GIGYF2: variants seen among roughly 807,000 people sequenced by gnomAD.
The protein encoded by GIGYF2 is GRB10-interacting GYF protein 2.
A neutral mutation model predicts 208.1 loss-of-function variants in GIGYF2; 25 were observed. That is an observed-to-expected ratio of 0.12 (90% CI 0.09 to 0.17). GIGYF2 has a LOEUF of 0.17. GIGYF2 is among the 10% of genes least tolerant of loss of function. The probability of loss-of-function intolerance (pLI) is 1.00; values close to 1 mark genes in which losing one functional copy is unlikely to be tolerated. For missense variants in GIGYF2, 1,302 were observed against 1,579.4 expected, an observed-to-expected ratio of 0.82 and a Z score of 2.98; for synonymous variants, 534 against 543.8, an observed-to-expected ratio of 0.98 and a Z score of 0.25.
In GIGYF2 at chr2:232,775,941, T is replaced by A. The variant is rs375324487; in HGVS notation, c.533-11209T>A. Among the ~76,000 whole-genome samples, 3 of 152,292 alleles carry A rather than the reference T, an allele frequency of 2.0e-5. No homozygotes were observed. In the East Asian group the frequency reaches 5.8e-4, roughly 29 times the overall value. On this transcript the variant is annotated intron_variant, in intron 8 of 28. Transcript: ENST00000373563. ...AACCCTGTTATATAAGCTCAGAGAT[T>A]CTATTTTAATTTCTCAGTTGCAGAA...
At chr2:232,701,036 T>C (rs995614011) in intron 1 of GIGYF2, among the ~76,000 whole-genome samples, 3 of 152,184 alleles carry the variant, frequency 2.0e-5, no homozygotes, top group Non-Finnish European at 2.9e-5. Context: ...ATGAGAAATA[T>C]ACTAAATTAA....
chr2:232,858,680 C>T lies in GIGYF2; in HGVS notation c.*1820C>T, dbSNP rs999645632. The T allele has an allele frequency of 5.0e-6, 2 of 397,182 alleles. No individual in the cohort carries two copies. Among genetic ancestry groups the T allele is most frequent in the South Asian group, 1.9e-5 (1 of 53,638 alleles). 24.6% of individuals were successfully genotyped at this position (397,182 alleles called of 1,614,324 possible). On this transcript the variant is annotated 3_prime_UTR_variant, in exon 29 of 29. Coordinates refer to ENST00000373563, the MANE Select transcript of GIGYF2 (RefSeq NM_001103146.3). Reference sequence around the variant, plus strand: ...TATGGAGGCTGAGTTCTGCACTAAACTGTTCCTCTTGGTACCATGGAAAAG... The same window carrying T: ...TATGGAGGCTGAGTTCTGCACTAAATTGTTCCTCTTGGTACCATGGAAAAG...
intron 2 of GIGYF2, among the ~76,000 whole-genome samples, chr2:232,725,823 T>G (rs1336691844): frequency 5.9e-5 from 9 of 152,236 alleles, no homozygotes; most frequent in Admixed American, 5.9e-4. Flanking sequence ...CAGATAATAT[T>G]AGCAGTATCC....
intron 8 of GIGYF2, among the ~76,000 whole-genome samples, chr2:232,779,445 T>TAAC (rs1699636746): frequency 1.3e-5 from 2 of 152,212 alleles, no homozygotes; most frequent in South Asian, 4.1e-4. Flanking sequence ...AAATCTTCAG[T>TAAC]TGGAGTGCGA....
intron 8 of GIGYF2, chr2:232,765,797 A>G (rs975001255): frequency 3.5e-5 from 13 of 368,172 alleles, no homozygotes; most frequent in Admixed American, 2.1e-4. Flanking sequence ...GGTACTTGGT[A>G]GTATGGGCTT....
chr2:232,741,228 G>A (rs1241150178), intron 3 of GIGYF2, among the ~76,000 whole-genome samples: 2 of 152,066 alleles, frequency 1.3e-5, no homozygotes, highest in African/African-American at 2.4e-5. Flanking sequence ...GTTTGCTCAA[G>A]CTAGCAGTCT....
intron 2 of GIGYF2, among the ~76,000 whole-genome samples, chr2:232,732,775 C>G (rs773184642): frequency 1.3e-5 from 2 of 151,752 alleles, no homozygotes; most frequent in Non-Finnish European, 1.5e-5. Flanking sequence ...ACTACAGGCT[C>G]GCACCATCAT....
Position 232,836,314 on chromosome 2 carries a change from A to C in GIGYF2, c.2766+3221A>C, listed in dbSNP as rs1267104054. Among the ~76,000 whole-genome samples, 151 of 24,018 alleles carry C rather than the reference A, an allele frequency of 6.3e-3. 40 individuals carry two copies. The highest frequency in any genetic ancestry group is 0.02 in the African/African-American group (142 of 7,022). 15.8% of individuals were successfully genotyped at this position (24,018 alleles called of 152,430 possible). ...TATATATATATATATATATATATAT[A>C]TATATATATATATATACATATATAT... On this transcript the variant is annotated intron_variant, in intron 22 of 28. Coordinates refer to ENST00000373563, the MANE Select transcript of GIGYF2 (RefSeq NM_001103146.3).
chr2:232,719,960 C>T (rs1696863032), intron 2 of GIGYF2, among the ~76,000 whole-genome samples: 1 of 152,064 alleles, frequency 6.6e-6, no homozygotes, highest in East Asian at 1.9e-4. Context: ...GCACAACGTG[C>T]AGTTTTGTTA....
chr2:232,715,772 G>A (rs1282596426), intron 2 of GIGYF2, among the ~76,000 whole-genome samples: 1 of 151,404 alleles, frequency 6.6e-6, no homozygotes, highest in Admixed American at 6.6e-5. Context: ...TGAGGTGGAT[G>A]CCGAAGGAAA....
chr2:232,787,185 G>T lies in GIGYF2; in HGVS notation c.568G>T (p.Val190Leu). The T allele has an allele frequency of 1.2e-6, 2 of 1,614,074 alleles. No homozygotes were observed. Among genetic ancestry groups the T allele is most frequent in the Non-Finnish European group, 1.7e-6 (2 of 1,179,962 alleles). Residue 190 changes from valine to leucine, a missense_variant, in exon 9 of 29, where the codon GTA (valine) becomes TTA (leucine). Physicochemically the swap from Val to Leu is conservative, Grantham distance 32. Coordinates refer to ENST00000373563, the MANE Select transcript of GIGYF2 (RefSeq NM_001103146.3). Reference protein sequence around the residue: ...PNFEEGGPTSVGRKHEFIRSE... With the variant: ...PNFEEGGPTSLGRKHEFIRSE... ...TTTTGAGGAAGGTGGACCAACATCA[G>T]TAGGGAGAAAGCATGAATTTATACG...
At chr2:232,767,832 AAATGAGAGATT>A in intron 8 of GIGYF2, 1 of 268,806 alleles carries the variant, frequency 3.7e-6, no homozygotes, top group South Asian at 4.3e-5. Context: ...TTGCAGATGA[AAATGAGAGATT>A]AATGGTTGAT....
rs1383796091 is a variant in GIGYF2, at chr2:232,856,955, ACT to A, written c.*98_*99del. On this transcript the variant is annotated 3_prime_UTR_variant, in exon 29 of 29. Coordinates refer to ENST00000373563, the MANE Select transcript of GIGYF2 (RefSeq NM_001103146.3). ...ACTTACTCACCATTTACTCTTTATC[ACT>A]CTGCAACAAATCACAGAACCGATCA... is the stretch of plus-strand genomic sequence containing the variant. 5.8e-6 allele frequency: 5 copies of A among 855,228 alleles called. No homozygotes were observed. Among genetic ancestry groups the A allele is most frequent in the Middle Eastern group, 2.6e-4 (1 of 3,812 alleles). 53.0% of individuals were successfully genotyped at this position (855,228 alleles called of 1,614,324 possible).
chr2:232,785,343 A>G (rs1699876706), intron 8 of GIGYF2, among the ~76,000 whole-genome samples: 1 of 152,108 alleles, frequency 6.6e-6, no homozygotes, highest in Non-Finnish European at 1.5e-5. Flanking sequence ...GGGTTCTTGT[A>G]AGGCTGCACT....
intron 2 of GIGYF2, among the ~76,000 whole-genome samples, chr2:232,715,189 A>G (rs1696624584): frequency 6.6e-6 from 1 of 152,148 alleles, no homozygotes; most frequent in South Asian, 2.1e-4. Flanking sequence ...GTATTGCTGC[A>G]TGCAAATAGT....
chr2:232,799,471 G>C (rs1371907719), intron 14 of GIGYF2, among the ~76,000 whole-genome samples: 2 of 151,788 alleles, frequency 1.3e-5, no homozygotes, highest in Admixed American at 1.3e-4. Context: ...GATCACTTGA[G>C]CCCAGGAGTT....
intron 14 of GIGYF2, among the ~76,000 whole-genome samples, chr2:232,800,753 T>C (rs1700372137): frequency 1.3e-5 from 2 of 151,954 alleles, no homozygotes; most frequent in Admixed American, 1.3e-4. Flanking sequence ...TTTTCTTTTT[T>C]AGAGATGAGG....
intron 8 of GIGYF2, chr2:232,771,454 T>A (rs1699242096): frequency 2.2e-6 from 2 of 926,582 alleles, no homozygotes; most frequent in South Asian, 3.6e-5. Context: ...GCTCATGGAC[T>A]TTCTGCTTTC....
chr2:232,840,525 CT>C (rs1701783265), intron 23 of GIGYF2, among the ~76,000 whole-genome samples: 2 of 151,216 alleles, frequency 1.3e-5, no homozygotes, highest in Non-Finnish European at 2.9e-5. Context: ...CCATTCGGTG[CT>C]CATTCATTCA....
Sources: gnomAD v4.1 joint callset for allele counts (sites outside exome capture counted in the v4.1 genomes callset) on GRCh38, gnomAD v4.1.1 for gene constraint, MANE v1.5 for transcripts, NCBI Gene and HGNC (gene_info 2026-07-23, HGNC 2026-07-21) for gene names.